NTRK3: variants seen among roughly 807,000 people sequenced by gnomAD.
The protein encoded by NTRK3 is neurotrophic receptor tyrosine kinase 3, also known as NT-3 growth factor receptor.
Under a neutral mutation model 91.7 loss-of-function variants are expected in NTRK3, and 24 were observed. That is an observed-to-expected ratio of 0.26 (90% CI 0.19 to 0.37). The LOEUF (loss-of-function observed/expected upper bound fraction) is 0.37. NTRK3 is among the 10% of genes least tolerant of loss of function. The pLI is 1.00. For missense variants in NTRK3, 880 were observed against 1,068.9 expected (o/e 0.82, Z 2.46); for synonymous variants, 483 against 404.0 (o/e 1.20, Z -2.34).
chr15:88,159,780 A>G (rs559538292), intron 5 of NTRK3, among the ~76,000 whole-genome samples: 1 of 152,168 alleles, frequency 6.6e-6, no homozygotes, highest in East Asian at 1.9e-4. Context: ...AACTTGATGG[A>G]GAATCTCCAA....
intron 10 of NTRK3, chr15:88,132,197 T>C (rs1315457748): frequency 1.1e-5 from 2 of 176,290 alleles, no homozygotes; most frequent in African/African-American, 4.7e-5. Context: ...TAGAACTTAC[T>C]AGGTTGACCA....
In NTRK3 at chr15:88,137,578, A is replaced by G. The variant is rs1216713584; in HGVS notation, c.465-17T>C. 9.3e-6 allele frequency: 15 copies of G among 1,612,566 alleles called. No individual in the cohort carries two copies. The highest frequency in any genetic ancestry group is 1.3e-5 in the Non-Finnish European group (15 of 1,179,530). On this transcript the variant is annotated splice_polypyrimidine_tract_variant and intron_variant, in intron 6 of 18. Transcript: ENST00000394480. ...TCCAACTGCCTGTCGGCAAAGAGAG[A>G]GGGGAAGGGAACCTCTGAACCGAAG...
In NTRK3 at chr15:88,010,337, G is replaced by A. The variant is rs148717720; in HGVS notation, c.1585+22520C>T. ...CGGCTCCAGTCCAGGGTCCTGGCTT[G>A]GAACTTCGGGTCTTCTCTACAATTT... On this transcript the variant is annotated intron_variant, in intron 14 of 18. Coordinates refer to ENST00000394480, the Ensembl canonical transcript of NTRK3. Among the ~76,000 whole-genome samples the A allele has an allele frequency of 6.9e-4, 105 of 152,224 alleles. 3 individuals are homozygous for A. The East Asian group carries it at 0.018, about 26-fold the overall frequency.
At chr15:87,986,756 G>A (rs1353644761) in intron 14 of NTRK3, among the ~76,000 whole-genome samples, 1 of 152,210 alleles carries the variant, frequency 6.6e-6, no homozygotes. Flanking sequence ...ATATCTGTAT[G>A]CACATGTGGG....
chr15:88,042,166 G>C (rs1208480836), intron 13 of NTRK3, among the ~76,000 whole-genome samples: 1 of 152,110 alleles, frequency 6.6e-6, no homozygotes, highest in African/African-American at 2.4e-5. Flanking sequence ...TCTGGGAGCA[G>C]GAACTCATAA....
intron 5 of NTRK3, among the ~76,000 whole-genome samples, chr15:88,182,781 G>C (rs977782868): frequency 6.6e-6 from 1 of 152,196 alleles, no homozygotes; most frequent in Non-Finnish European, 1.5e-5. Flanking sequence ...ACTCGGCTTA[G>C]AGAGGAAGCA....
intron 5 of NTRK3, among the ~76,000 whole-genome samples, chr15:88,159,709 G>A (rs1597673088): frequency 1.3e-5 from 2 of 152,204 alleles, no homozygotes; most frequent in Admixed American, 6.5e-5. Flanking sequence ...GCCTGTGCAG[G>A]CTCCTGGGAA....
intron 17 of NTRK3, among the ~76,000 whole-genome samples, chr15:87,920,886 G>C (rs958347290): frequency 6.6e-6 from 1 of 152,116 alleles, no homozygotes; most frequent in African/African-American, 2.4e-5. Flanking sequence ...AGACTGGTTT[G>C]GTATCGCAGA....
At chr15:88,210,054 A>C (rs1017246233) in intron 3 of NTRK3, 15 of 152,332 alleles carry the variant, frequency 9.8e-5, no homozygotes, top group African/African-American at 3.4e-4. Flanking sequence ...ATCCAGCTGT[A>C]AATACCCTCT....
intron 17 of NTRK3, 124 bp downstream of exon 17, chr15:87,929,067 C>A: frequency 7.1e-7 from 1 of 1,408,640 alleles, no homozygotes; most frequent in Non-Finnish European, 1.0e-6. Context: ...CTGTTGAGTG[C>A]ATGTCTGGGC....
chr15:87,890,587 A>G (rs2065807181), intron 17 of NTRK3, among the ~76,000 whole-genome samples: 1 of 151,042 alleles, frequency 6.6e-6, no homozygotes, highest in Non-Finnish European at 1.5e-5. Context: ...ACACACACAC[A>G]CACACACACA....
intron 14 of NTRK3, chr15:87,978,708 G>A (rs1373888714): frequency 1.3e-5 from 3 of 233,286 alleles, no homozygotes; most frequent in African/African-American, 2.2e-5. Context: ...AAAAAAGGAT[G>A]ATTTTTCCAC....
intron 14 of NTRK3, chr15:87,977,329 T>C (rs2073813071): frequency 5.5e-6 from 1 of 182,814 alleles, no homozygotes; most frequent in Admixed American, 6.3e-5. Context: ...TGAATGTTTT[T>C]GCAAAATTTC....
chr15:88,133,543 T>C (rs2041589273), intron 10 of NTRK3, among the ~76,000 whole-genome samples: 2 of 152,196 alleles, frequency 1.3e-5, no homozygotes, highest in South Asian at 2.1e-4. Flanking sequence ...CAACAATGTA[T>C]AGACTTTCCT....
intron 18 of NTRK3, among the ~76,000 whole-genome samples, chr15:87,878,339 A>T (rs1367459414): frequency 2.6e-5 from 4 of 152,102 alleles, no homozygotes; most frequent in Non-Finnish European, 2.9e-5. Flanking sequence ...CCTTGTTTCC[A>T]GTATTGTCTC....
At position 87,923,205 on chromosome 15, in the gene NTRK3, A is replaced by T. The variant is rs1398477120; in HGVS notation, c.2133+5986T>A. 3.3e-5 allele frequency among the ~76,000 whole-genome samples: 5 copies of T among 152,258 alleles called. No individual in the cohort carries two copies. The South Asian group carries it at 8.3e-4, about 25-fold the overall frequency. On this transcript the variant is annotated intron_variant, in intron 17 of 18. Transcript: ENST00000394480. The stretch of plus-strand genomic sequence containing the variant: ...GCAGAGATTGCCAGCTATGAAGTAC[A>T]ATTCATGTTTTTTCTCTTCTATGTG...
chr15:88,072,489 C>T (rs1303007246), intron 13 of NTRK3: 2 of 231,612 alleles, frequency 8.6e-6, no homozygotes, highest in African/African-American at 4.4e-5. Context: ...TTTCATCAGG[C>T]TGAGGTTGCC....
At chr15:87,969,651 T>C (rs1026373457) in intron 14 of NTRK3, among the ~76,000 whole-genome samples, 1 of 152,194 alleles carries the variant, frequency 6.6e-6, no homozygotes, top group African/African-American at 2.4e-5. Context: ...AGAATCTTTA[T>C]GTGAAGGATT....
intron 14 of NTRK3, among the ~76,000 whole-genome samples, chr15:88,000,221 C>T (rs1383021124): frequency 6.6e-6 from 1 of 152,134 alleles, no homozygotes; most frequent in Non-Finnish European, 1.5e-5. Flanking sequence ...CGACATATGT[C>T]CATACTAGTT....
Sources: gnomAD v4.1 joint callset for allele counts (sites outside exome capture counted in the v4.1 genomes callset) on GRCh38, gnomAD v4.1.1 for gene constraint, MANE v1.5 for transcripts, NCBI Gene and HGNC (gene_info 2026-07-23, HGNC 2026-07-21) for gene names.